ARHGEF18: variants seen among roughly 807,000 people sequenced by gnomAD.
ARHGEF18 encodes the protein Rho/Rac guanine nucleotide exchange factor 18.
ARHGEF18 carries 93 observed loss-of-function variants against 155.7 expected under a neutral mutation model. That is an observed-to-expected ratio of 0.60 (90% CI 0.50 to 0.71). The LOEUF (loss-of-function observed/expected upper bound fraction) is 0.71. Among genes scored for constraint, ARHGEF18 ranks in the 30% least tolerant of loss-of-function variants. The pLI, the probability that ARHGEF18 is intolerant of heterozygous loss-of-function variation, is 0.00. For synonymous variants in ARHGEF18, 742 were observed against 753.1 expected (o/e 0.99, Z 0.24); for missense variants, 1,593 against 1,816.1 (o/e 0.88, Z 2.23).
In ARHGEF18 at chr19:7,372,902, C is replaced by A. The variant is rs1970268045; in HGVS notation, c.106C>A (p.Leu36Met). 4.1e-6 allele frequency: 5 copies of A among 1,234,514 alleles called. No homozygotes were observed. Among genetic ancestry groups the A allele is most frequent in the Non-Finnish European group, 4.0e-6 (4 of 988,258 alleles). The allele number at this position is 1,234,514 out of a possible 1,614,324, so 76.5% of individuals were successfully genotyped here. ...TCAGGGCAGCGAGTATCTGCAGGAC[C>A]TGGGCCTTGGGGCCCCTTCCCACAG... is the stretch of plus-strand genomic sequence containing the variant. Reference protein sequence around the residue: ...ALQGSEYLQDLGLGAPSHSQP... With the variant: ...ALQGSEYLQDMGLGAPSHSQP... Residue 36 changes from leucine (L) to methionine (M), a missense_variant, in exon 3 of 29, where the codon CTG becomes ATG. Leu to Met is a conservative substitution (Grantham distance 15, BLOSUM62 2). Coordinates refer to ENST00000668164, the MANE Select transcript of ARHGEF18 (RefSeq NM_001367823.1).
In ARHGEF18 at chr19:7,455,066, C is replaced by T. The variant is rs181423030; in HGVS notation, c.2105-1261C>T. 3.3e-3 allele frequency among the ~76,000 whole-genome samples: 496 copies of T among 152,246 alleles called. 1 individual carries two copies. The highest frequency in any genetic ancestry group is 0.02 in the Middle Eastern group (6 of 294). Reference sequence around the variant, plus strand: ...CATTTTTGGAGCCTCTAGAAACATCCCAAGCTATCTATTCACATCAGCATC... The same window carrying T: ...CATTTTTGGAGCCTCTAGAAACATCTCAAGCTATCTATTCACATCAGCATC... On this transcript the variant is annotated intron_variant, in intron 17 of 28. Transcript: ENST00000668164.
intron 15 of ARHGEF18, among the ~76,000 whole-genome samples, chr19:7,449,878 G>A (rs781243137): frequency 6.6e-6 from 1 of 151,914 alleles, no homozygotes; most frequent in African/African-American, 2.4e-5. Flanking sequence ...GGGTCTTGCT[G>A]TGTTGCCCAG....
At chr19:7,370,024 G>A (rs529906046) in intron 2 of ARHGEF18, among the ~76,000 whole-genome samples, 10 of 151,732 alleles carry the variant, frequency 6.6e-5, no homozygotes, top group African/African-American at 2.2e-4. Context: ...TGATGAAACC[G>A]TGTCTCTACT....
Position 7,444,465 on chromosome 19 carries a change from C to T in ARHGEF18, c.1611+11C>T. ...CTCCTGGTTCAGCAGGTGGGTGCAG[C>T]CGTGTTCATCTCAACAGTCTTCAAA... On this transcript the variant is annotated intron_variant, in intron 14 of 28. Transcript: ENST00000668164. The surrounding 1 kb of genome is among the most constrained non-coding windows in gnomAD (Gnocchi z 4.7). 6.2e-7 allele frequency: 1 copy of T among 1,611,806 alleles called. No individual in the cohort carries two copies. The highest frequency in any genetic ancestry group is 1.3e-5 in the African/African-American group (1 of 75,022).
intron 10 of ARHGEF18, among the ~76,000 whole-genome samples, chr19:7,389,230 A>T (rs1023669555): frequency 6.7e-6 from 1 of 148,268 alleles, no homozygotes; most frequent in Non-Finnish European, 1.5e-5. Context: ...GGTTCACTAC[A>T]ACCTCTGCCT....
chr19:7,353,490 T>A (rs2145309906), intron 1 of ARHGEF18, among the ~76,000 whole-genome samples: 1 of 151,164 alleles, frequency 6.6e-6, no homozygotes, highest in East Asian at 2.0e-4. Flanking sequence ...CTTGAGAGGC[T>A]GAGGCAGGAG....
rs376086534 is a variant in ARHGEF18 at position 7,460,010 on chromosome 19, C to T, written c.2452+16C>T. 1.2e-5 allele frequency: 18 copies of T among 1,557,944 alleles called. 1 individual carries two copies. The highest frequency in any genetic ancestry group is 1.7e-4 in the Middle Eastern group (1 of 6,008). ...GACTTTCAAGGTGAGCGGGAGACAGCGTCTGGGCACACCCCTTGTGTGGTG... is the reference window on the plus strand; with the variant it reads ...GACTTTCAAGGTGAGCGGGAGACAGTGTCTGGGCACACCCCTTGTGTGGTG... On this transcript the variant is annotated intron_variant, in intron 20 of 28. Transcript: ENST00000668164.
intron 20 of ARHGEF18, 101 bp downstream of exon 20, chr19:7,460,095 G>T: frequency 8.8e-7 from 1 of 1,135,422 alleles, no homozygotes; most frequent in Non-Finnish European, 1.3e-6. Flanking sequence ...AGGTGACCCG[G>T]TGTTTTCCCG....
At position 7,463,869 on chromosome 19, in the gene ARHGEF18, A is replaced by G. The variant is rs1439209615; in HGVS notation, c.2687A>G (p.Gln896Arg). 6.2e-7 allele frequency: 1 copy of G among 1,604,884 alleles called. No individual in the cohort carries two copies. The highest frequency in any genetic ancestry group is 8.5e-7 in the Non-Finnish European group (1 of 1,176,276). ...AGGCAGCTGGGCAGCGCCAACGGCCAGGCGGAAGACGGAGGCAGCTCCACA... is the reference window on the plus strand; with the variant it reads ...AGGCAGCTGGGCAGCGCCAACGGCCGGGCGGAAGACGGAGGCAGCTCCACA... ...ICRQLGSANG[Q>R]AEDGGSSTGP... is the part of the protein sequence containing the mutation. The change falls in exon 22 of 29, where the codon CAG (glutamine) becomes CGG (arginine). Residue 896 changes from glutamine to arginine, a missense_variant. Gln to Arg is a conservative substitution (Grantham distance 43, BLOSUM62 1). Coordinates refer to ENST00000668164, the MANE Select transcript of ARHGEF18 (RefSeq NM_001367823.1). This position sits in a 1 kb window ranked among gnomAD's most constrained non-coding sequence, Gnocchi z 5.2.
At position 7,457,267 on chromosome 19, in the gene ARHGEF18, T is replaced by C. The variant is rs138609239; in HGVS notation, c.2181+864T>C. 5.4e-4 allele frequency among the ~76,000 whole-genome samples: 82 copies of C among 152,108 alleles called. 2 individuals are homozygous for C. The highest frequency in any genetic ancestry group is 7.2e-4 in the Admixed American group (11 of 15,270). The stretch of plus-strand genomic sequence containing the variant: ...GTGGCCATCCCTCTGTGTGTGCCTC[T>C]GTGCTAATCTCCTCTTGTTAGAAGG... On this transcript the variant is annotated intron_variant, in intron 18 of 28. Coordinates refer to ENST00000668164, the MANE Select transcript of ARHGEF18 (RefSeq NM_001367823.1).
At chr19:7,451,101 T>C (rs1378440936) in intron 15 of ARHGEF18, 48 bp from the exon 16 acceptor site, 1 of 1,557,588 alleles carries the variant, frequency 6.4e-7, no homozygotes, top group South Asian at 1.1e-5. Context: ...AGGATCTTGC[T>C]GTCCGTTTCT....
At chr19:7,391,267 C>T (rs753576241) in intron 10 of ARHGEF18, among the ~76,000 whole-genome samples, 29 of 152,004 alleles carry the variant, frequency 1.9e-4, no homozygotes, top group African/African-American at 3.6e-4. Flanking sequence ...CGTTTCCTCC[C>T]GTCCGTGGGA....
intron 10 of ARHGEF18, among the ~76,000 whole-genome samples, chr19:7,416,432 A>T (rs185971329): frequency 8.6e-5 from 13 of 151,844 alleles, no homozygotes; most frequent in Non-Finnish European, 1.5e-4. Flanking sequence ...ATAATAATAA[A>T]TTTTTTAGAA....
At chr19:7,352,373 A>C in intron 1 of ARHGEF18, among the ~76,000 whole-genome samples, 1 of 151,148 alleles carries the variant, frequency 6.6e-6, no homozygotes, top group African/African-American at 2.4e-5. Flanking sequence ...CCTGAATTCC[A>C]ATGTTTATTT....
intron 10 of ARHGEF18, among the ~76,000 whole-genome samples, chr19:7,424,055 G>A (rs1326798720): frequency 1.6e-5 from 2 of 126,358 alleles, no homozygotes; most frequent in African/African-American, 2.8e-5. Flanking sequence ...ATGGAGTTTT[G>A]CTATTTTTGC....
At chr19:7,393,055 A>AG in intron 10 of ARHGEF18, among the ~76,000 whole-genome samples, 1 of 143,380 alleles carries the variant, frequency 7.0e-6, no homozygotes, top group African/African-American at 2.7e-5. Context: ...CTCAAAAAAA[A>AG]AAAAAAAAAA....
chr19:7,421,396 T>C (rs180741088), intron 10 of ARHGEF18, among the ~76,000 whole-genome samples: 43 of 152,272 alleles, frequency 2.8e-4, no homozygotes, highest in African/African-American at 1.0e-3. Flanking sequence ...GGGCCGACTT[T>C]TCCCATATGC....
At chr19:7,449,013 C>T (rs888457491) in intron 15 of ARHGEF18, among the ~76,000 whole-genome samples, 6 of 152,094 alleles carry the variant, frequency 3.9e-5, no homozygotes, top group Non-Finnish European at 7.3e-5. Context: ...GTTTAAACTT[C>T]ATTGCATTAT....
rs535818066 is a variant in ARHGEF18, at chr19:7,415,494, C to G, written c.968-24850C>G. The stretch of plus-strand genomic sequence containing the variant: ...CATCGTTTCGAGAAGCAGAGCTCAT[C>G]CAATCCTCCACATAAACCTTTCCGT... On this transcript the variant is annotated intron_variant, in intron 10 of 28. Transcript: ENST00000668164. Among the ~76,000 whole-genome samples the G allele has an allele frequency of 3.9e-5, 6 of 152,222 alleles. No homozygotes were observed. The South Asian group carries it at 1.0e-3, about 26-fold the overall frequency.
Sources: gnomAD v4.1 joint callset for allele counts (sites outside exome capture counted in the v4.1 genomes callset) on GRCh38, gnomAD v4.1.1 for gene constraint, Gnocchi (gnomAD v3.1) non-coding constraint, MANE v1.5 for transcripts, NCBI Gene and HGNC (gene_info 2026-07-23, HGNC 2026-07-21) for gene names.